Variants in CCDC102B observed in about 807,000 individuals in gnomAD.
CCDC102B encodes coiled-coil domain containing 102B.
A neutral mutation model predicts 57.4 loss-of-function variants in CCDC102B; 75 were observed. That is an observed-to-expected ratio of 1.31 (90% CI 1.08 to 1.58). The LOEUF is 1.58. Among genes scored for constraint, CCDC102B ranks in the 40% most tolerant of loss-of-function variants. The pLI is 0.00. For synonymous variants in CCDC102B, 206 were observed against 201.9 expected (o/e 1.02, Z -0.17); for missense variants, 636 against 582.6 (o/e 1.09, Z -0.94).
chr18:68,764,215 T>G (rs183335044), intron 2 of CCDC102B, among the ~76,000 whole-genome samples: 1 of 152,288 alleles, frequency 6.6e-6, no homozygotes, highest in East Asian at 1.9e-4. Context: ...TATACTTTTT[T>G]CCAATGGATT....
intron 2 of CCDC102B, among the ~76,000 whole-genome samples, chr18:68,733,158 G>A (rs1263494507): frequency 6.6e-6 from 1 of 151,964 alleles, no homozygotes; most frequent in East Asian, 1.9e-4. Context: ...CAGTGAAGGG[G>A]ATTTAATGAG....
At chr18:68,794,865 T>C (rs1177095956), upstream of CCDC102B, among the ~76,000 whole-genome samples, 3 of 152,010 alleles carry the variant, frequency 2.0e-5, no homozygotes, top group Admixed American at 1.3e-4. Context: ...GAGGCAGACT[T>C]GGCAATAAGG....
intron 4 of CCDC102B, among the ~76,000 whole-genome samples, chr18:68,867,433 C>G (rs1050670407): frequency 6.6e-6 from 1 of 152,158 alleles, no homozygotes; most frequent in African/African-American, 2.4e-5. Flanking sequence ...GCTCCTTCTC[C>G]CTGAGACAGT....
chr18:68,803,889 T>C (rs1306515388), intron 1 of CCDC102B, among the ~76,000 whole-genome samples: 1 of 152,192 alleles, frequency 6.6e-6, no homozygotes, highest in Non-Finnish European at 1.5e-5. Context: ...CATCATAAAC[T>C]ACAACCACTT....
At chr18:69,045,160 A>G (rs555278807) in intron 7 of CCDC102B, among the ~76,000 whole-genome samples, 2 of 152,226 alleles carry the variant, frequency 1.3e-5, no homozygotes, top group South Asian at 2.1e-4. Flanking sequence ...ATGCTTCAAT[A>G]TGTGAATTTT....
At chr18:68,817,167 T>G (rs2144728361) in intron 1 of CCDC102B, among the ~76,000 whole-genome samples, 1 of 152,378 alleles carries the variant, frequency 6.6e-6, no homozygotes, top group African/African-American at 2.4e-5. Context: ...AAACACTTGA[T>G]TCACATTACA....
chr18:68,812,277 A>G (rs1189145302), intron 1 of CCDC102B, among the ~76,000 whole-genome samples: 1 of 152,024 alleles, frequency 6.6e-6, no homozygotes, highest in African/African-American at 2.4e-5. Flanking sequence ...TAAAGTATCC[A>G]ATAGCTTTCA....
At chr18:68,882,031 C>G (rs979143403) in intron 5 of CCDC102B, among the ~76,000 whole-genome samples, 3 of 152,034 alleles carry the variant, frequency 2.0e-5, no homozygotes, top group African/African-American at 7.2e-5. Flanking sequence ...AATAGGAACA[C>G]TTCTTTTTAA....
At chr18:69,011,323 A>G in intron 7 of CCDC102B, 1 of 494,942 alleles carries the variant, frequency 2.0e-6, no homozygotes, top group Non-Finnish European at 3.5e-6. Context: ...AGTGCTCTAT[A>G]GTGTCAGTAC....
At chr18:68,982,778 T>C (rs1254540124) in intron 6 of CCDC102B, among the ~76,000 whole-genome samples, 1 of 151,962 alleles carries the variant, frequency 6.6e-6, no homozygotes, top group African/African-American at 2.4e-5. Context: ...AATCCCCTTC[T>C]ATAAAAATTA....
chr18:69,021,776 A>G (rs2051840180), intron 7 of CCDC102B, among the ~76,000 whole-genome samples: 2 of 152,314 alleles, frequency 1.3e-5, no homozygotes, highest in African/African-American at 4.8e-5. Flanking sequence ...TAGCACTGCC[A>G]GCTCTGTCGT....
intron 6 of CCDC102B, among the ~76,000 whole-genome samples, chr18:68,978,902 G>T (rs182807753): frequency 6.6e-6 from 1 of 152,140 alleles, no homozygotes; most frequent in African/African-American, 2.4e-5. Flanking sequence ...ATAGAGAAAT[G>T]ATAGAACAAA....
chr18:68,985,835 G>C (rs601417), intron 6 of CCDC102B, among the ~76,000 whole-genome samples: 12,547 of 152,076 alleles, frequency 0.083, 996 homozygotes, highest in African/African-American at 0.2. Flanking sequence ...ATTGATTTCT[G>C]TGCAATGAAA....
chr18:68,857,401 T>A (rs1343894311), intron 4 of CCDC102B, among the ~76,000 whole-genome samples: 1 of 125,722 alleles, frequency 8.0e-6, no homozygotes, highest in East Asian at 2.1e-4. Flanking sequence ...TATTTAAATA[T>A]ATAAATATAT....
At chr18:68,949,912 T>G (rs2049647153) in intron 6 of CCDC102B, among the ~76,000 whole-genome samples, 1 of 152,142 alleles carries the variant, frequency 6.6e-6, no homozygotes, top group Admixed American at 6.6e-5. Context: ...AAATACTAAC[T>G]CTAATTTCTG....
At chr18:69,047,604 T>C (rs1363330128) in intron 7 of CCDC102B, among the ~76,000 whole-genome samples, 1 of 152,116 alleles carries the variant, frequency 6.6e-6, no homozygotes, top group Admixed American at 6.6e-5. Flanking sequence ...AGACTATCCC[T>C]GTTTGCAGAT....
At chr18:68,926,019 G>C (rs2041464186) in intron 6 of CCDC102B, among the ~76,000 whole-genome samples, 1 of 151,648 alleles carries the variant, frequency 6.6e-6, no homozygotes, top group African/African-American at 2.4e-5. Context: ...TTCTCCACCA[G>C]GGATAATAAA....
chr18:68,831,892 G>A (rs8092671), intron 1 of CCDC102B, among the ~76,000 whole-genome samples: 42,355 of 151,870 alleles, frequency 0.28, 7,233 homozygotes, highest in Non-Finnish European at 0.4. Flanking sequence ...CTCATCATTT[G>A]TGCATGTTTG....
At chr18:68,825,346 G>A (rs540042204) in intron 1 of CCDC102B, among the ~76,000 whole-genome samples, 20 of 152,182 alleles carry the variant, frequency 1.3e-4, no homozygotes, top group African/African-American at 3.6e-4. Flanking sequence ...TAAATAATAC[G>A]TTGGCAGTTC....
Sources: allele counts gnomAD v4.1 joint callset (sites outside exome capture counted in the v4.1 genomes callset), GRCh38; gene constraint gnomAD v4.1.1; transcripts MANE v1.5; gene names NCBI Gene and HGNC (gene_info 2026-07-23, HGNC 2026-07-21).